SLC35D1: variants seen among roughly 807,000 people sequenced by gnomAD.
SLC35D1 encodes solute carrier family 35 member D1, also known as nucleotide sugar transporter SLC35D1.
Under a neutral mutation model 46.7 loss-of-function variants are expected in SLC35D1, and 31 were observed. The ratio of observed to expected loss-of-function variants is 0.66; its 90% CI spans 0.50 to 0.90. The LOEUF is 0.90. SLC35D1 is among the 40% of genes least tolerant of loss of function. The pLI is 0.00. For synonymous variants in SLC35D1, 195 were observed against 164.6 expected, an observed-to-expected ratio of 1.18 and a Z score of -1.41; for missense variants, 397 against 426.2, an observed-to-expected ratio of 0.93 and a Z score of 0.60.
At chr1:66,976,660 T>C in the SLC35D1 span, 5 of 1,608,122 alleles carry the variant, frequency 3.1e-6, no homozygotes, top group African/African-American at 1.3e-5. Flanking sequence ...CTGAACGTTA[T>C]GATTTCTTTG....
chr1:66,998,488 C>T (rs1053004661), downstream of SLC35D1, among the ~76,000 whole-genome samples: 2 of 151,880 alleles, frequency 1.3e-5, no homozygotes, highest in African/African-American at 4.8e-5. Flanking sequence ...AGTGAAACTC[C>T]GTCTAAAAAA....
At chr1:67,025,233 AAC>A (rs1667893483) in intron 8 of SLC35D1, among the ~76,000 whole-genome samples, 1 of 152,224 alleles carries the variant, frequency 6.6e-6, no homozygotes. Flanking sequence ...TTTAACCTAT[AAC>A]ACTTTCCTGA....
intron 8 of SLC35D1, among the ~76,000 whole-genome samples, chr1:67,032,606 A>C (rs571580882): frequency 6.6e-6 from 1 of 152,204 alleles, no homozygotes; most frequent in East Asian, 1.9e-4. Flanking sequence ...ACTTGAACCC[A>C]GGAGGCAGAG....
chr1:66,987,215 A>G, the SLC35D1 span: 1 of 152,754 alleles, frequency 6.5e-6, no homozygotes, highest in African/African-American at 2.4e-5. Flanking sequence ...ATTTCACACA[A>G]TAATTTGTTC....
Position 67,000,108 on chromosome 1 carries a change from G to GGA in SLC35D1, c.*4231_*4232insTC, listed in dbSNP as rs1667301234. 8.1e-6 allele frequency: 1 copy of GGA among 123,970 alleles called. No homozygotes were observed. Among genetic ancestry groups the GGA allele is most frequent in the Admixed American group, 8.7e-5 (1 of 11,446 alleles). 7.7% of individuals were successfully genotyped at this position (123,970 alleles called of 1,614,324 possible). On this transcript the variant is annotated 3_prime_UTR_variant, in exon 12 of 12. Coordinates refer to ENST00000235345, the MANE Select transcript of SLC35D1 (RefSeq NM_015139.3). ...ACAGAGTGAGACCCTGTCTTTACCA[G>GGA]AAAAAAAAAAAAAAAGGAAGAAACG...
chr1:67,026,500 A>G (rs1018685185), intron 8 of SLC35D1, among the ~76,000 whole-genome samples: 2 of 152,070 alleles, frequency 1.3e-5, no homozygotes, highest in Admixed American at 1.3e-4. Flanking sequence ...TCTATCTTCT[A>G]TTTTCTGGAA....
intron 8 of SLC35D1, among the ~76,000 whole-genome samples, chr1:67,040,020 A>C (rs1413953179): frequency 6.7e-6 from 1 of 148,274 alleles, no homozygotes; most frequent in African/African-American, 2.5e-5. Flanking sequence ...TTTGAGACAC[A>C]GTCTTGCTTT....
At chr1:66,993,552 C>T in the SLC35D1 span, among the ~76,000 whole-genome samples, 2 of 152,114 alleles carry the variant, frequency 1.3e-5, no homozygotes, top group African/African-American at 4.8e-5. Flanking sequence ...TTCTTTCACC[C>T]TCAAACATCA....
At chr1:67,032,243 G>T in intron 8 of SLC35D1, 1 of 209,924 alleles carries the variant, frequency 4.8e-6, no homozygotes, top group Non-Finnish European at 8.3e-6. Flanking sequence ...ACGGGAGACA[G>T]CAAATGTTAT....
the SLC35D1 span, chr1:66,981,754 TA>T: frequency 6.5e-7 from 1 of 1,549,360 alleles, no homozygotes; most frequent in South Asian, 1.2e-5. Context: ...CTTTTTAATA[TA>T]AAAATTGTTT....
intron 10 of SLC35D1, among the ~76,000 whole-genome samples, chr1:67,009,640 C>T (rs1479268504): frequency 1.3e-5 from 2 of 152,190 alleles, no homozygotes; most frequent in African/African-American, 4.8e-5. Flanking sequence ...GATACCATCT[C>T]ATACCAGTCA....
intron 8 of SLC35D1, among the ~76,000 whole-genome samples, chr1:67,039,714 G>C (rs920566294): frequency 6.6e-6 from 1 of 152,136 alleles, no homozygotes; most frequent in Non-Finnish European, 1.5e-5. Context: ...CAACAAATGA[G>C]AGCAGTTTAT....
chr1:67,040,781 T>G (rs186408415), intron 8 of SLC35D1, among the ~76,000 whole-genome samples: 172 of 152,334 alleles, frequency 1.1e-3, no homozygotes, highest in African/African-American at 3.8e-3. Flanking sequence ...TCTTAGTCCA[T>G]TTGGTTCAAT....
At chr1:66,974,733 TTACTC>T in the SLC35D1 span, among the ~76,000 whole-genome samples, 3 of 152,130 alleles carry the variant, frequency 2.0e-5, no homozygotes, top group East Asian at 1.9e-4. Flanking sequence ...ATACACTAAA[TTACTC>T]TAGTGCACAA....
At chr1:66,980,062 C>T in the SLC35D1 span, among the ~76,000 whole-genome samples, 1 of 152,238 alleles carries the variant, frequency 6.6e-6, no homozygotes, top group Admixed American at 6.5e-5. Flanking sequence ...CCACACCCGG[C>T]CTTGCTTTGG....
chr1:67,051,006 C>T (rs1308832098), intron 4 of SLC35D1, among the ~76,000 whole-genome samples: 41 of 152,184 alleles, frequency 2.7e-4, no homozygotes, highest in Admixed American at 2.7e-3. Context: ...TCTTATCTCA[C>T]TCCAAAGTGC....
chr1:66,988,413 A>T, the SLC35D1 span: 1 of 152,038 alleles, frequency 6.6e-6, no homozygotes. Flanking sequence ...GACTGATTTC[A>T]TGTATCTGAA....
At chr1:67,041,924 A>G (rs754949167) in intron 8 of SLC35D1, among the ~76,000 whole-genome samples, 2 of 152,208 alleles carry the variant, frequency 1.3e-5, no homozygotes, top group African/African-American at 2.4e-5. Context: ...GTTTACTACT[A>G]TTCCTATTTT....
At chr1:67,047,856 A>G (rs1187119785) in intron 6 of SLC35D1, among the ~76,000 whole-genome samples, 5 of 152,090 alleles carry the variant, frequency 3.3e-5, no homozygotes, top group Non-Finnish European at 5.9e-5. Context: ...TCTGAGATCA[A>G]GCTAGAACAA....
Sources: allele counts gnomAD v4.1 joint callset (sites outside exome capture counted in the v4.1 genomes callset), GRCh38; gene constraint gnomAD v4.1.1; transcripts MANE v1.5; gene names NCBI Gene and HGNC (gene_info 2026-07-23, HGNC 2026-07-21).